Variants in FNIP2 observed in about 807,000 individuals in gnomAD.
FNIP2 encodes the protein folliculin-interacting protein 2.
FNIP2 carries 32 observed loss-of-function variants against 108.7 expected under a neutral mutation model. The ratio of observed to expected loss-of-function variants is 0.29; its 90% confidence interval spans 0.22 to 0.40. FNIP2 has a LOEUF of 0.40. Ranked by LOEUF, FNIP2 falls within the 10% of genes least tolerant of loss-of-function variation. The probability of loss-of-function intolerance (pLI) is 1.00; values close to 1 mark genes in which losing one functional copy is unlikely to be tolerated. For missense variants in FNIP2, 1,202 were observed against 1,381.6 expected (o/e 0.87, Z 2.06); for synonymous variants, 480 against 496.7 (o/e 0.97, Z 0.45).
chr4:158,872,382 C>T, intron 14 of FNIP2: 2 of 985,408 alleles, frequency 2.0e-6, no homozygotes, highest in Non-Finnish European at 2.4e-6. Context: ...CATGTTTACT[C>T]TGTCATTACT....
chr4:158,848,672 C>G (rs1779535881), intron 7 of FNIP2, among the ~76,000 whole-genome samples: 1 of 152,158 alleles, frequency 6.6e-6, no homozygotes. Flanking sequence ...GATATGTGAC[C>G]TTTCAGACAG....
intron 1 of FNIP2, among the ~76,000 whole-genome samples, chr4:158,779,362 A>G (rs1418372688): frequency 6.6e-6 from 1 of 152,224 alleles, no homozygotes; most frequent in Non-Finnish European, 1.5e-5. Flanking sequence ...ATAGTAATAT[A>G]ATAGTTAAAT....
chr4:158,833,022 T>G (rs1425546272), intron 5 of FNIP2, among the ~76,000 whole-genome samples: 1 of 152,254 alleles, frequency 6.6e-6, no homozygotes, highest in African/African-American at 2.4e-5. Flanking sequence ...TTTTAGAAGT[T>G]GTGAAATGAA....
chr4:158,801,716 A>G (rs1276756391), intron 1 of FNIP2, among the ~76,000 whole-genome samples: 1 of 152,166 alleles, frequency 6.6e-6, no homozygotes, highest in Non-Finnish European at 1.5e-5. Flanking sequence ...ACCTACCAGT[A>G]TTTTCTACCC....
chr4:158,785,680 G>A (rs1776202286), intron 1 of FNIP2, among the ~76,000 whole-genome samples: 1 of 149,782 alleles, frequency 6.7e-6, no homozygotes, highest in African/African-American at 2.5e-5. Context: ...TCCAGTTACA[G>A]GGTTCTTTCT....
At position 158,891,636 on chromosome 4, in the gene FNIP2, C is replaced by G; in HGVS notation, c.3140C>G (p.Pro1047Arg). The change falls in exon 15 of 17, where the codon CCT (proline) becomes CGT (arginine). Residue 1047 changes from proline (P) to arginine (R), a missense_variant. Transcript: ENST00000264433. The part of the protein sequence containing the change: ...SILQLYKLHL[P>R]ADFCIMHLED... ...TTACAGCTCTATAAGCTTCACCTCC[C>G]TGCTGATTTTGTAAGTACTGGTTCT... The G allele has an allele frequency of 6.2e-7, 1 of 1,611,368 alleles. No individual in the cohort carries two copies. Among genetic ancestry groups the G allele is most frequent in the Non-Finnish European group, 8.5e-7 (1 of 1,178,776 alleles).
At chr4:158,833,673 A>G (rs531178994) in intron 6 of FNIP2, 45 bp downstream of exon 6, 38 of 1,505,238 alleles carry the variant, frequency 2.5e-5, no homozygotes, top group South Asian at 6.8e-5. Flanking sequence ...TGAATACACT[A>G]TTGTGGGTGT....
rs191021799 is a variant in FNIP2 at position 158,803,821 on chromosome 4, G to A, written c.108-22095G>A. Among the ~76,000 whole-genome samples the A allele has an allele frequency of 1.8e-4, 28 of 152,342 alleles. No individual in the cohort carries two copies. The East Asian group carries it at 2.3e-3, about 13-fold the overall frequency. On this transcript the variant is annotated intron_variant, in intron 1 of 16. Coordinates refer to ENST00000264433, the MANE Select transcript of FNIP2 (RefSeq NM_020840.3). Reference sequence around the variant, plus strand: ...TATGGGAGCTTTTGCTATAGTAAACGAGGGAAAGGGAGAAATGGAGTGTGA... The same window carrying A: ...TATGGGAGCTTTTGCTATAGTAAACAAGGGAAAGGGAGAAATGGAGTGTGA...
rs1729846825 is a variant in FNIP2, at chr4:158,906,361, CAT to C, written c.*1818_*1819del. On this transcript the variant is annotated 3_prime_UTR_variant, in exon 17 of 17. Transcript: ENST00000264433. ...TCTCTAGTTCCTTTTTTCTTGTTTA[CAT>C]GTTTTGGGCACTTTCCCTCATTCAC... 6.6e-6 allele frequency: 1 copy of C among 152,166 alleles called. No homozygotes were observed. The highest frequency in any genetic ancestry group is 1.5e-5 in the Non-Finnish European group (1 of 68,034). The allele number at this position is 152,166 out of a possible 1,614,324, so 9.4% of individuals were successfully genotyped here. A position where few individuals can be genotyped will look rare whatever the true frequency, so the allele number is the denominator to read the frequency against.
chr4:158,869,162 G>A lies in FNIP2; in HGVS notation c.2526G>A (p.Val842=). The change falls in exon 13 of 17, where the codon GTG becomes GTA. Residue 842 remains valine (V), a synonymous_variant. Coordinates refer to ENST00000264433, the MANE Select transcript of FNIP2 (RefSeq NM_020840.3). ...RRLEATRGLY[V]KAAEGPVLEP... ...TGGAGGCCACTAGAGGTTTGTATGT[G>A]AAGGCTGCGGAAGGACCTGTGCTGG... The A allele has an allele frequency of 6.2e-7, 1 of 1,614,078 alleles. No individual in the cohort carries two copies. The highest frequency in any genetic ancestry group is 8.5e-7 in the Non-Finnish European group (1 of 1,179,910).
At chr4:158,817,407 C>T (rs559470055) in intron 1 of FNIP2, among the ~76,000 whole-genome samples, 35 of 152,290 alleles carry the variant, frequency 2.3e-4, no homozygotes, top group African/African-American at 8.2e-4. Flanking sequence ...ATTAAGATTG[C>T]TTTCCTTTTC....
intron 1 of FNIP2, among the ~76,000 whole-genome samples, chr4:158,815,524 A>G (rs896787008): frequency 3.8e-4 from 57 of 151,996 alleles, no homozygotes; most frequent in African/African-American, 1.4e-3. Context: ...CTGGGACTAC[A>G]GGCGCCCGCC....
chr4:158,771,892 C>T (rs1578807460), intron 1 of FNIP2, among the ~76,000 whole-genome samples: 1 of 152,182 alleles, frequency 6.6e-6, no homozygotes, highest in Admixed American at 6.5e-5. Flanking sequence ...CTAGTCCCTT[C>T]GCTGGGCTTA....
intron 1 of FNIP2, among the ~76,000 whole-genome samples, chr4:158,772,407 T>C (rs1435068273): frequency 6.6e-6 from 1 of 152,216 alleles, no homozygotes; most frequent in Non-Finnish European, 1.5e-5. Context: ...GTTGTTTTTT[T>C]CTCCATGTCT....
At chr4:158,835,894 C>G (rs1266928397) in intron 7 of FNIP2, 3 of 153,372 alleles carry the variant, frequency 2.0e-5, no homozygotes, top group South Asian at 2.0e-4. Context: ...ACATGCTGAT[C>G]TAGATTTTAT....
intron 1 of FNIP2, among the ~76,000 whole-genome samples, chr4:158,814,575 TATG>T (rs1449617737): frequency 7.2e-5 from 11 of 152,326 alleles, no homozygotes; most frequent in Admixed American, 5.9e-4. Flanking sequence ...AGTTATTTAA[TATG>T]ATGGGAATCC....
At chr4:158,854,486 G>C (rs1030723206) in intron 8 of FNIP2, among the ~76,000 whole-genome samples, 1 of 152,214 alleles carries the variant, frequency 6.6e-6, no homozygotes, top group Admixed American at 6.5e-5. Flanking sequence ...CTGACTGCCG[G>C]GCCAGTTGCT....
chr4:158,784,292 C>T (rs1202443776), intron 1 of FNIP2, among the ~76,000 whole-genome samples: 2 of 152,176 alleles, frequency 1.3e-5, no homozygotes, highest in Non-Finnish European at 2.9e-5. Context: ...CTTCCAAACT[C>T]GGTTTAGATG....
Position 158,833,518 on chromosome 4 carries a change from C to G in FNIP2, c.555-10C>G. On this transcript the variant is annotated splice_polypyrimidine_tract_variant and intron_variant, in intron 5 of 16. Coordinates refer to ENST00000264433, the MANE Select transcript of FNIP2 (RefSeq NM_020840.3). ...CTCTTTCTCCTTTTCCCCCCCATCT[C>G]CGGATATAGCTTGCAAGACAGCTTT... is the stretch of plus-strand genomic sequence containing the variant. 4 of 1,559,778 alleles carry G rather than the reference C, an allele frequency of 2.6e-6. No homozygotes were observed. Among genetic ancestry groups the G allele is most frequent in the Non-Finnish European group, 3.5e-6 (4 of 1,152,520 alleles).
Sources: allele counts gnomAD v4.1 joint callset (sites outside exome capture counted in the v4.1 genomes callset), GRCh38; gene constraint gnomAD v4.1.1; transcripts MANE v1.5; gene names NCBI Gene and HGNC (gene_info 2026-07-23, HGNC 2026-07-21).